NECAB2: variants seen among roughly 807,000 people sequenced by gnomAD.
NECAB2 encodes the protein N-terminal EF-hand calcium-binding protein 2.
Under a neutral mutation model 51.9 loss-of-function variants are expected in NECAB2, and 68 were observed. The ratio of observed to expected loss-of-function variants is 1.31; its 90% CI spans 1.08 to 1.60. The LOEUF (loss-of-function observed/expected upper bound fraction) is 1.60, where lower values mean the gene tolerates loss of function less well. Ranked by LOEUF, NECAB2 falls within the 40% of genes most tolerant of loss-of-function variation. The probability of loss-of-function intolerance (pLI) is 0.00; values close to 1 mark genes in which losing one functional copy is unlikely to be tolerated. For synonymous variants in NECAB2, 329 were observed against 203.5 expected, an observed-to-expected ratio of 1.62 and a Z score of -5.25; for missense variants, 854 against 490.3, an observed-to-expected ratio of 1.74 and a Z score of -7.00.
intron 10 of NECAB2, among the ~76,000 whole-genome samples, chr16:83,999,416 C>A (rs562838641): frequency 6.6e-6 from 1 of 152,078 alleles, no homozygotes; most frequent in Admixed American, 6.6e-5. Context: ...GCACGGTGGA[C>A]GTAGAGGCTC....
chr16:83,972,083 G>T, intron 1 of NECAB2, 68 bp from the exon 2 acceptor site: 1 of 1,596,752 alleles, frequency 6.3e-7, no homozygotes, highest in Non-Finnish European at 8.6e-7. Flanking sequence ...CCCAGTATCC[G>T]GTCAGAGGCT....
chr16:83,989,813 A>G (rs28362024), intron 5 of NECAB2, among the ~76,000 whole-genome samples: 14,281 of 152,204 alleles, frequency 0.094, 1,751 homozygotes, highest in African/African-American at 0.29. Context: ...AAAACTTGGA[A>G]AAAACTTTCT....
In NECAB2 at chr16:83,972,194, C is replaced by T. The variant is rs752585863; in HGVS notation, c.226+19C>T. ...AAAAATGGTGAGTTTCCCTTCCAGG[C>T]CGACGGCCGCCCCACTCCTTCTGTC... On this transcript the variant is annotated intron_variant, in intron 2 of 12. Coordinates refer to ENST00000305202, the MANE Select transcript of NECAB2 (RefSeq NM_019065.3). 2.5e-6 allele frequency: 4 copies of T among 1,613,538 alleles called. No individual in the cohort carries two copies. The highest frequency in any genetic ancestry group is 2.2e-5 in the East Asian group (1 of 44,880).
At chr16:83,999,338 T>G (rs774897445) in intron 10 of NECAB2, among the ~76,000 whole-genome samples, 5 of 152,170 alleles carry the variant, frequency 3.3e-5, no homozygotes, top group Admixed American at 6.5e-5. Flanking sequence ...TTGATCTTTT[T>G]CCATTACGTG....
chr16:83,971,528 T>C (rs955967488), intron 1 of NECAB2: 1 of 152,670 alleles, frequency 6.6e-6, no homozygotes, highest in African/African-American at 2.4e-5. Context: ...GTCTTGTAGG[T>C]TCAGGCCAGC....
At chr16:83,973,787 C>G (rs1053664879) in intron 2 of NECAB2, among the ~76,000 whole-genome samples, 15 of 151,268 alleles carry the variant, frequency 9.9e-5, no homozygotes, top group Non-Finnish European at 2.1e-4. Context: ...TTGGTGAGAG[C>G]GTGGCTGTGC....
chr16:83,997,308 C>T, intron 9 of NECAB2, 39 bp downstream of exon 9: 2 of 1,613,092 alleles, frequency 1.2e-6, no homozygotes, highest in Non-Finnish European at 1.7e-6. Context: ...GACCACATCC[C>T]TACCCATGCC....
Position 84,002,693 on chromosome 16 carries a change from G to C in NECAB2, c.*347G>C. 5.6e-6 allele frequency: 2 copies of C among 357,214 alleles called. No homozygotes were observed. The highest frequency in any genetic ancestry group is 1.1e-5 in the Non-Finnish European group (2 of 189,424). 22.1% of individuals were successfully genotyped at this position (357,214 alleles called of 1,614,324 possible). On this transcript the variant is annotated 3_prime_UTR_variant, in exon 13 of 13. Coordinates refer to ENST00000305202, the MANE Select transcript of NECAB2 (RefSeq NM_019065.3). ...CTCTTCGGTGACATTCTTCTACCTA[G>C]TAGGAGTCATGCCCCTGTAGTGCCC... is the stretch of plus-strand genomic sequence containing the variant.
intron 9 of NECAB2, 89 bp from the exon 10 acceptor site, chr16:83,998,116 C>G (rs371564407): frequency 1.9e-5 from 21 of 1,131,992 alleles, no homozygotes; most frequent in South Asian, 4.1e-5. Flanking sequence ...TTATTTTGAC[C>G]GAGGAAGGGA....
rs1354363703 is a variant in NECAB2 at position 84,000,771 on chromosome 16, A to C, written c.1010A>C (p.Glu337Ala). The stretch of plus-strand genomic sequence containing the variant: ...GATGGCTTCACCTTTGTCATCTATG[A>C]GTTCTGGGAGACAGAGGAGGCGTGG... ...LSDGFTFVIY[E>A]FWETEEAWKR... The change falls in exon 11 of 13, where the codon GAG becomes GCG. Residue 337 changes from glutamate to alanine, a missense_variant. Glu to Ala is a moderately radical substitution (Grantham distance 107, BLOSUM62 -1). Transcript: ENST00000305202. 1.4e-5 allele frequency: 22 copies of C among 1,613,768 alleles called. No homozygotes were observed. Among genetic ancestry groups the C allele is most frequent in the Non-Finnish European group, 1.8e-5 (21 of 1,179,980 alleles).
chr16:83,998,182 C>T lies in NECAB2; in HGVS notation c.850-23C>T, dbSNP rs759518063. ...AGAAGGCCTGACGTGGAGCCCCACA[C>T]TGACTCCTGCTGTGCCCGGCAGCAC... On this transcript the variant is annotated intron_variant, in intron 9 of 12. Transcript: ENST00000305202. 10 of 1,601,278 alleles carry T rather than the reference C, an allele frequency of 6.2e-6. No homozygotes were observed. In the Admixed American group the frequency reaches 1.7e-4, roughly 27 times the overall value.
intron 10 of NECAB2, among the ~76,000 whole-genome samples, chr16:84,000,144 G>A (rs1013157431): frequency 3.3e-5 from 5 of 151,858 alleles, no homozygotes; most frequent in South Asian, 2.1e-4. Context: ...CACCTGCCTC[G>A]ACCCCTCAAG....
intron 3 of NECAB2, 36 bp downstream of exon 3, chr16:83,978,588 G>C (rs556778885): frequency 1.3e-6 from 2 of 1,541,886 alleles, no homozygotes; most frequent in African/African-American, 2.8e-5. Flanking sequence ...GTGGGGGTGT[G>C]TGTGGGCTGT....
At chr16:83,970,683 C>G (rs1048706433) in intron 1 of NECAB2, among the ~76,000 whole-genome samples, 6 of 152,138 alleles carry the variant, frequency 3.9e-5, no homozygotes, top group Admixed American at 2.6e-4. Flanking sequence ...TCCCTGGTGT[C>G]GGGAAATGTG....
chr16:83,990,607 C>A lies in NECAB2; in HGVS notation c.573C>A (p.Ile191=). The A allele has an allele frequency of 6.2e-7, 1 of 1,614,008 alleles. No individual in the cohort carries two copies. The highest frequency in any genetic ancestry group is 2.2e-5 in the East Asian group (1 of 44,836). The change falls in exon 6 of 13, where the codon ATC becomes ATA. Residue 191 remains isoleucine (I), a synonymous_variant. Transcript: ENST00000305202. ...CAGTGGAGAGTGCGGTGGAGGCCAT[C>A]GAGGAACAGACCAGCCAGCTCCGGT... ...LSSVESAVEA[I]EEQTSQLRQN...
At chr16:83,972,214 T>C (rs1292765827) in intron 2 of NECAB2, 39 bp downstream of exon 2, 1 of 1,612,616 alleles carries the variant, frequency 6.2e-7, no homozygotes, top group Non-Finnish European at 8.5e-7. Flanking sequence ...CCCCACTCCT[T>C]CTGTCCTCGT....
At chr16:83,969,755 C>G (rs138002034) in intron 1 of NECAB2, among the ~76,000 whole-genome samples, 1 of 152,128 alleles carries the variant, frequency 6.6e-6, no homozygotes, top group South Asian at 2.1e-4. Flanking sequence ...CGTGTTTCAG[C>G]GAGGGTCCTG....
In NECAB2 at chr16:84,002,166, T is replaced by G. The variant is rs796842614; in HGVS notation, c.1133-152T>G. ...GCCAGACTGAATTTCCCTTCCCAGGTGTGTGGTTTGCACCTGGGTGACCAG... is the reference window on the plus strand; with the variant it reads ...GCCAGACTGAATTTCCCTTCCCAGGGGTGTGGTTTGCACCTGGGTGACCAG... On this transcript the variant is annotated intron_variant, in intron 12 of 12. Coordinates refer to ENST00000305202, the MANE Select transcript of NECAB2 (RefSeq NM_019065.3). 38 of 1,068,372 alleles carry G rather than the reference T, an allele frequency of 3.6e-5. No individual in the cohort carries two copies. In the African/African-American group the frequency reaches 5.7e-4, roughly 16 times the overall value. The allele number at this position is 1,068,372 out of a possible 1,614,324, so 66.2% of individuals were successfully genotyped here. A position where few individuals can be genotyped will look rare whatever the true frequency, so the allele number is the denominator to read the frequency against.
In NECAB2 at chr16:83,997,139, G is replaced by C. The variant is rs987032589; in HGVS notation, c.796-77G>C. On this transcript the variant is annotated intron_variant, in intron 8 of 12. Transcript: ENST00000305202. Reference sequence around the variant, plus strand: ...TCCTTGGGAGCTCCCAACAGCCCCAGGGATCCCAGAGCTCCTGGCTCCCCG... The same window carrying C: ...TCCTTGGGAGCTCCCAACAGCCCCACGGATCCCAGAGCTCCTGGCTCCCCG... 5.7e-6 allele frequency: 9 copies of C among 1,586,166 alleles called. No homozygotes were observed. In the African/African-American group the frequency reaches 1.1e-4, roughly 19 times the overall value.
Sources: gnomAD v4.1 joint callset for allele counts (sites outside exome capture counted in the v4.1 genomes callset) on GRCh38, gnomAD v4.1.1 for gene constraint, MANE v1.5 for transcripts, NCBI Gene and HGNC (gene_info 2026-07-23, HGNC 2026-07-21) for gene names.